CCDC120: variants seen among roughly 807,000 people sequenced by gnomAD.
CCDC120 encodes coiled-coil domain-containing protein 120.
A neutral mutation model predicts 37.6 loss-of-function variants in CCDC120; 16 were observed. The ratio of observed to expected loss-of-function variants is 0.43; its 90% CI spans 0.29 to 0.65. The LOEUF (loss-of-function observed/expected upper bound fraction) is 0.65. CCDC120 is among the 30% of genes least tolerant of loss of function. The pLI is 0.18. For missense variants in CCDC120, 650 were observed against 657.4 expected (o/e 0.99, Z 0.12); for synonymous variants, 309 against 275.4 (o/e 1.12, Z -1.21).
At chrX:49,056,225 A>G (rs2064829172), upstream of CCDC120, among the ~76,000 whole-genome samples, 1 of 111,695 alleles carries the variant, frequency 9.0e-6, no homozygotes, top group African/African-American at 3.3e-5. Context: ...AGGTTGGATC[A>G]TGAGGGAAAC....
upstream of CCDC120, among the ~76,000 whole-genome samples, chrX:49,057,571 A>G (rs2064839702): frequency 1.8e-5 from 2 of 112,725 alleles, no homozygotes. Context: ...GGGCGATGAA[A>G]GGGGCCTTTG....
At chrX:49,062,411 A>G in intron 3 of CCDC120, 57 bp from the exon 4 acceptor site, 4 of 1,210,884 alleles carry the variant, frequency 3.3e-6, no homozygotes, top group Non-Finnish European at 4.5e-6. Flanking sequence ...CCCTTGCCCC[A>G]CAGCTGCTCC....
Position 49,068,638 on chromosome X carries a change from A to C in CCDC120, c.2071A>C (p.Thr691Pro). 1 of 1,144,978 alleles carries C rather than the reference A, an allele frequency of 8.7e-7. No individual in the cohort carries two copies. Among genetic ancestry groups the C allele is most frequent in the Non-Finnish European group, 1.2e-6 (1 of 862,652 alleles). The allele number at this position is 1,144,978 out of a possible 1,213,427, so 94.4% of individuals were successfully genotyped here. A position where few individuals can be genotyped will look rare whatever the true frequency, so the allele number is the denominator to read the frequency against. Residue 691 changes from threonine (T) to proline (P), a missense_variant, in exon 11 of 11, where the codon ACC (threonine) becomes CCC (proline). Around this residue, in one of 3 missense-constraint regions of CCDC120, gnomAD observed 576 missense variants for 565.3 expected, o/e 1.02. Coordinates refer to ENST00000603986, the MANE Select transcript of CCDC120 (RefSeq NM_001163321.4). ...GCAGTCCTCCAGTTCTGACACCCAG[A>C]CCCCGGGGACACTGGTCTGACCCCT... ...GEQSSSSDTQ[T>P]PGTLV
intron 1 of CCDC120, 62 bp from the exon 2 acceptor site, chrX:49,061,897 T>G: frequency 4.7e-6 from 5 of 1,053,827 alleles, no homozygotes; most frequent in Non-Finnish European, 3.7e-6. Flanking sequence ...ACCCAGGTGT[T>G]GACTGCGTGT....
intron 7 of CCDC120, 66 bp downstream of exon 7, chrX:49,065,164 C>A: frequency 2.0e-6 from 2 of 1,021,555 alleles, no homozygotes; most frequent in Admixed American, 4.6e-5. Flanking sequence ...CCCCTTTATT[C>A]ATCCGACCAC....
In CCDC120 at chrX:49,062,305, C is replaced by G; in HGVS notation, c.134C>G (p.Ser45Cys). The change falls in exon 3 of 11, where the codon TCT becomes TGT. Residue 45 changes from serine to cysteine, a missense_variant. By Grantham distance (112) the Ser-to-Cys change is moderately radical (BLOSUM62 -1). This residue lies in a region of CCDC120 where 64 missense variants were observed against 65.2 expected (regional missense o/e 0.98). Transcript: ENST00000603986. ...GAAGTCAAAGGTCAGCTGATCAGCT[C>G]TCCTACCTTCAATGCCCCAGGTCGG... ...KMEVKGQLISSPTFNAPAALF... is the reference protein window; with the variant it reads ...KMEVKGQLISCPTFNAPAALF... The G allele has an allele frequency of 8.3e-7, 1 of 1,209,417 alleles. No individual in the cohort carries two copies. Among genetic ancestry groups the G allele is most frequent in the African/African-American group, 1.7e-5 (1 of 57,859 alleles).
chrX:49,059,797 G>A (rs1381300277), intron 1 of CCDC120, among the ~76,000 whole-genome samples: 2 of 109,724 alleles, frequency 1.8e-5, no homozygotes, highest in Non-Finnish European at 3.8e-5. Context: ...GCTGGTCCCT[G>A]GGACAGGATG....
Position 49,065,818 on chromosome X carries a change from C to T in CCDC120, c.1034C>T (p.Thr345Ile). Reference protein sequence around the residue: ...GRSVPATPVLTRGAGPQLCKP... With the variant: ...GRSVPATPVLIRGAGPQLCKP... ...AGTGTGCCTGCCACCCCTGTCCTCACCCGGGGCGCTGGCCCCCAGCTCTGC... is the reference window on the plus strand; with the variant it reads ...AGTGTGCCTGCCACCCCTGTCCTCATCCGGGGCGCTGGCCCCCAGCTCTGC... Residue 345 changes from threonine to isoleucine, a missense_variant, in exon 9 of 11, where the codon ACC (threonine) becomes ATC (isoleucine). Thr to Ile is a moderately conservative substitution (Grantham distance 89, BLOSUM62 -1). This residue lies in a region of CCDC120 where 576 missense variants were observed against 565.3 expected (regional missense o/e 1.02). Coordinates refer to ENST00000603986, the MANE Select transcript of CCDC120 (RefSeq NM_001163321.4). 1 of 1,168,273 alleles carries T rather than the reference C, an allele frequency of 8.6e-7. No individual in the cohort carries two copies. Among genetic ancestry groups the T allele is most frequent in the Non-Finnish European group, 1.1e-6 (1 of 873,439 alleles).
chrX:49,065,022 CCT>C lies in CCDC120; in HGVS notation c.725-10_725-9del, dbSNP rs782068399. 5.8e-6 allele frequency: 7 copies of C among 1,207,834 alleles called. No individual in the cohort carries two copies. The highest frequency in any genetic ancestry group is 2.3e-4 in the Middle Eastern group (1 of 4,366). On this transcript the variant is annotated splice_polypyrimidine_tract_variant and intron_variant, in intron 6 of 10. Coordinates refer to ENST00000603986, the MANE Select transcript of CCDC120 (RefSeq NM_001163321.4). ...TGGGAGTGAGAGGCCCACTTCTCCC[CCT>C]CTCACCTGTAGAGGACGTAGTTCTG...
chrX:49,062,640 G>A (rs2064899796), intron 4 of CCDC120, 39 bp downstream of exon 4: 6 of 1,183,912 alleles, frequency 5.1e-6, no homozygotes, highest in East Asian at 3.0e-5. Flanking sequence ...CGGGGAGGTT[G>A]GGAGGAGGTG....
upstream of CCDC120, among the ~76,000 whole-genome samples, chrX:49,056,671 C>T (rs1216386573): frequency 9.5e-6 from 1 of 105,082 alleles, no homozygotes; most frequent in Non-Finnish European, 1.9e-5. Flanking sequence ...TACATTTAGT[C>T]TCTGATTTTG....
rs782534366 is a variant in CCDC120 at position 49,067,430 on chromosome X, C to T, written c.1316C>T (p.Thr439Ile). 2.5e-6 allele frequency: 3 copies of T among 1,193,424 alleles called. No homozygotes were observed. Among genetic ancestry groups the T allele is most frequent in the Non-Finnish European group, 3.4e-6 (3 of 887,324 alleles). ...GTGCTGTATGAGCGCCCCCAACCAA[C>T]CCCTGCCTTCTCCTCCCGCACAGCA... ...SEVLYERPQP[T>I]PAFSSRTAGP... is the part of the protein sequence containing the mutation. Residue 439 changes from threonine (T) to isoleucine (I), a missense_variant, in exon 10 of 11, where the codon ACC becomes ATC. This residue lies in a region of CCDC120 where 576 missense variants were observed against 565.3 expected (regional missense o/e 1.02). Transcript: ENST00000603986.
chrX:49,065,464 T>C lies in CCDC120; in HGVS notation c.798T>C (p.His266=), dbSNP rs2064941956. 2 of 1,192,597 alleles carry C rather than the reference T, an allele frequency of 1.7e-6. No homozygotes were observed. Among genetic ancestry groups the C allele is most frequent in the South Asian group, 1.9e-5 (1 of 53,380 alleles). ...CTCTCTTCCACTCAGAGGAGCCCCA[T>C]GGCTGCTTCTCTCTGGCCGAGCGCC... ...SGASHDNEEP[H]GCFSLAERPS... The change falls in exon 8 of 11, where the codon CAT becomes CAC. Residue 266 remains histidine (H), a synonymous_variant. Coordinates refer to ENST00000603986, the MANE Select transcript of CCDC120 (RefSeq NM_001163321.4).
rs1466546259 is a variant in CCDC120 at position 49,068,724 on chromosome X, C to T, written c.*66C>T. ...AATCTGGGGAGCACACAGCTGACCT[C>T]GCTGGGCCCTGGGGTGTGGTTGCTC... On this transcript the variant is annotated 3_prime_UTR_variant, in exon 11 of 11. Transcript: ENST00000603986. The T allele has an allele frequency of 1.4e-5, 14 of 1,006,629 alleles. No individual in the cohort carries two copies. The highest frequency in any genetic ancestry group is 3.2e-5 in the South Asian group (1 of 31,246). 83.0% of individuals were successfully genotyped at this position (1,006,629 alleles called of 1,213,427 possible). A position where few individuals can be genotyped will look rare whatever the true frequency, so the allele number is the denominator to read the frequency against.
chrX:49,064,547 C>T lies in CCDC120; in HGVS notation c.607C>T (p.Arg203Trp), dbSNP rs371325682. The T allele has an allele frequency of 2.8e-5, 33 of 1,176,714 alleles. No homozygotes were observed. Among genetic ancestry groups the T allele is most frequent in the Admixed American group, 2.0e-4 (8 of 40,661 alleles). The change falls in exon 6 of 11, where the codon CGG (arginine) becomes TGG (tryptophan). Residue 203 changes from arginine to tryptophan, a missense_variant. Around this residue, in one of 3 missense-constraint regions of CCDC120, gnomAD observed 576 missense variants for 565.3 expected, o/e 1.02. Transcript: ENST00000603986. Reference protein sequence around the residue: ...HELEEQLRDVRARLGLPVLPL... With the variant: ...HELEEQLRDVWARLGLPVLPL... ...GCTAGAGGAGCAGCTCAGGGATGTC[C>T]GGGCCCGCCTTGGCCTCCCAGTGCT...
chrX:49,069,169 C>T lies in CCDC120; in HGVS notation c.*511C>T, dbSNP rs1190000988. On this transcript the variant is annotated 3_prime_UTR_variant, in exon 11 of 11. Transcript: ENST00000603986. The stretch of plus-strand genomic sequence containing the variant: ...TCGCCAGGGCAGTTGGGGCAGTGGG[C>T]TCTCTGCCCACACTTGGAAGGACTG... 9.6e-5 allele frequency: 1 copy of T among 10,413 alleles called. No individual in the cohort carries two copies. The highest frequency in any genetic ancestry group is 5.0e-4 in the Non-Finnish European group (1 of 1,990). The allele number at this position is 10,413 out of a possible 1,213,427, so 0.9% of individuals were successfully genotyped here.
upstream of CCDC120, among the ~76,000 whole-genome samples, chrX:49,057,076 A>G (rs1160983249): frequency 9.0e-6 from 1 of 111,502 alleles, no homozygotes; most frequent in African/African-American, 3.3e-5. Flanking sequence ...CGTGAGGCCC[A>G]GGGCCCAGCT....
At position 49,064,416 on chromosome X, in the gene CCDC120, A is replaced by C. The variant is rs1557080385; in HGVS notation, c.476A>C (p.Gln159Pro). ...GAACGCGAGGTGTCAGTGCAACAGC[A>C]GATCGCGGCGGCCGCCCGCCGCCTG... ...ALEREVSVQQ[Q>P]IAAAARRLAL... The change falls in exon 6 of 11, where the codon CAG becomes CCG. Residue 159 changes from glutamine to proline, a missense_variant. By Grantham distance (76) the Gln-to-Pro change is moderately conservative. Around this residue, in one of 3 missense-constraint regions of CCDC120, gnomAD observed 576 missense variants for 565.3 expected, o/e 1.02. Transcript: ENST00000603986. 8.5e-7 allele frequency: 1 copy of C among 1,177,507 alleles called. No individual in the cohort carries two copies. Among genetic ancestry groups the C allele is most frequent in the Non-Finnish European group, 1.1e-6 (1 of 879,265 alleles).
Position 49,065,443 on chromosome X carries a change from CTT to C in CCDC120, c.788-10_788-9del. Reference sequence around the variant, plus strand: ...CATTGAATTCTATCCCACTTGCTCTCTTCCACTCAGAGGAGCCCCATGGCTGC... The same window carrying C: ...CATTGAATTCTATCCCACTTGCTCTCCCACTCAGAGGAGCCCCATGGCTGC... On this transcript the variant is annotated splice_polypyrimidine_tract_variant and intron_variant, in intron 7 of 10. Transcript: ENST00000603986. 8.5e-7 allele frequency: 1 copy of C among 1,179,897 alleles called. No individual in the cohort carries two copies. Among genetic ancestry groups the C allele is most frequent in the East Asian group, 3.0e-5 (1 of 33,561 alleles).
Sources: allele counts gnomAD v4.1 joint callset (sites outside exome capture counted in the v4.1 genomes callset), GRCh38; gene constraint gnomAD v4.1.1; regional missense constraint gnomAD v4.1.1; transcripts MANE v1.5; gene names NCBI Gene and HGNC (gene_info 2026-07-23, HGNC 2026-07-21).